Variants in AOC1 observed in about 807,000 individuals in gnomAD.
The protein encoded by AOC1 is amine oxidase copper containing 1.
A neutral mutation model predicts 57.1 loss-of-function variants in AOC1; 58 were observed. The observed-to-expected ratio is 1.02, with a 90% confidence interval of 0.82 to 1.26. The LOEUF (loss-of-function observed/expected upper bound fraction) is 1.26, where lower values mean the gene tolerates loss of function less well. Among genes scored for constraint, AOC1 ranks in the 50% most tolerant of loss-of-function variants. The probability of loss-of-function intolerance (pLI) is 0.00; values close to 1 mark genes in which losing one functional copy is unlikely to be tolerated. For synonymous variants in AOC1, 401 were observed against 423.4 expected, an observed-to-expected ratio of 0.95 and a Z score of 0.65; for missense variants, 917 against 1,005.3, an observed-to-expected ratio of 0.91 and a Z score of 1.19.
In AOC1 at chr7:150,856,614, C is replaced by G. The variant is rs368309367; in HGVS notation, c.144C>G (p.Leu48=). ...NQELKAVHSF[L]WSKKELRLQP... ...AGCTGAAGGCAGTGCACAGCTTCCTCTGGTCCAAGAAGGAGCTGAGGCTGC... is the reference window on the plus strand; with the variant it reads ...AGCTGAAGGCAGTGCACAGCTTCCTGTGGTCCAAGAAGGAGCTGAGGCTGC... Residue 48 remains leucine (L), a synonymous_variant, in exon 2 of 5, where the codon CTC becomes CTG. Coordinates refer to ENST00000360937, the MANE Select transcript of AOC1 (RefSeq NM_001091.4). This position sits in a 1 kb window ranked among gnomAD's most constrained non-coding sequence, Gnocchi z 5.2. 5.6e-6 allele frequency: 9 copies of G among 1,614,062 alleles called. No homozygotes were observed. Among genetic ancestry groups the G allele is most frequent in the Non-Finnish European group, 7.6e-6 (9 of 1,180,016 alleles).
chr7:150,853,545 A>G (rs1799679611), intron 1 of AOC1, among the ~76,000 whole-genome samples: 1 of 151,794 alleles, frequency 6.6e-6, no homozygotes, highest in Non-Finnish European at 1.5e-5. Flanking sequence ...GTCTATTTTT[A>G]AAAGTCTATT....
chr7:150,861,108 C>T lies in AOC1; in HGVS notation c.2155C>T (p.Arg719Trp), dbSNP rs751307442. The T allele has an allele frequency of 5.3e-5, 85 of 1,614,014 alleles. No individual in the cohort carries two copies. In the Middle Eastern group the frequency reaches 6.7e-3, roughly 128 times the overall value. Residue 719 changes from arginine to tryptophan, a missense_variant, in exon 5 of 5, where the codon CGG becomes TGG. Coordinates refer to ENST00000360937, the MANE Select transcript of AOC1 (RefSeq NM_001091.4). This position sits in a 1 kb window ranked among gnomAD's most constrained non-coding sequence, Gnocchi z 4.5. ...ASRDTVIVWP[R>W]DNGPNYVQRW... is the part of the protein sequence containing the mutation. ...CAGAGACACTGTGATCGTGTGGCCT[C>T]GGGACAACGGCCCCAACTACGTCCA...
rs370019044 is a variant in AOC1, at chr7:150,857,494, G to A, written c.1024G>A (p.Gly342Ser). 102 of 1,613,466 alleles carry A rather than the reference G, an allele frequency of 6.3e-5. No individual in the cohort carries two copies. The highest frequency in any genetic ancestry group is 6.0e-4 in the Admixed American group (36 of 59,996). ...GCTGCAGGTCCTGAACGTGCACTTC[G>A]GCGGAGAGCGCATTGCCTATGAGGT... Reference protein sequence around the residue: ...SGLQVLNVHFGGERIAYEVSV... With the variant: ...SGLQVLNVHFSGERIAYEVSV... The change falls in exon 2 of 5, where the codon GGC becomes AGC. Residue 342 changes from glycine to serine, a missense_variant. Gly to Ser is a moderately conservative substitution (Grantham distance 56, BLOSUM62 0). Coordinates refer to ENST00000360937, the MANE Select transcript of AOC1 (RefSeq NM_001091.4). This position sits in a 1 kb window ranked among gnomAD's most constrained non-coding sequence, Gnocchi z 6.6.
chr7:150,853,428 T>A (rs1799676534), intron 1 of AOC1, among the ~76,000 whole-genome samples: 2 of 152,118 alleles, frequency 1.3e-5, no homozygotes, highest in Non-Finnish European at 2.9e-5. Context: ...AAAAGACTCC[T>A]ATTTAAAAGA....
rs776034118 is a variant in AOC1 at position 150,857,046 on chromosome 7, G to T, written c.576G>T (p.Val192=). 1 of 1,614,106 alleles carries T rather than the reference G, an allele frequency of 6.2e-7. No individual in the cohort carries two copies. The highest frequency in any genetic ancestry group is 1.1e-5 in the South Asian group (1 of 91,082). ...LAFTDVAPRG[V]ASGQRRSWLI... is the part of the protein sequence containing the mutation. ...TCACCGATGTGGCCCCCCGGGGTGT[G>T]GCTTCTGGCCAGCGCCGCAGTTGGC... The change falls in exon 2 of 5, where the codon GTG becomes GTT. Residue 192 remains valine (V), a synonymous_variant. Coordinates refer to ENST00000360937, the MANE Select transcript of AOC1 (RefSeq NM_001091.4). The surrounding 1 kb of genome is among the most constrained non-coding windows in gnomAD (Gnocchi z 6.6).
rs749257319 is a variant in AOC1, at chr7:150,858,054, C to T, written c.1570+14C>T. On this transcript the variant is annotated intron_variant, in intron 2 of 4. Transcript: ENST00000360937. ...TGGATGTGGCAGGTAGGACTCAAAG[C>T]GAGACTCTCCCGTTCAAACATCTGC... is the stretch of plus-strand genomic sequence containing the variant. 2.7e-6 allele frequency: 4 copies of T among 1,502,096 alleles called. No individual in the cohort carries two copies. Among genetic ancestry groups the T allele is most frequent in the Non-Finnish European group, 2.7e-6 (3 of 1,131,700 alleles). The allele number at this position is 1,502,096 out of a possible 1,614,324, so 93.0% of individuals were successfully genotyped here.
In AOC1 at chr7:150,861,231, A is replaced by C. The variant is rs1325977553; in HGVS notation, c.*22A>C. 1.3e-6 allele frequency: 2 copies of C among 1,545,428 alleles called. No individual in the cohort carries two copies. Among genetic ancestry groups the C allele is most frequent in the Non-Finnish European group, 1.8e-6 (2 of 1,140,030 alleles). On this transcript the variant is annotated 3_prime_UTR_variant, in exon 5 of 5. Coordinates refer to ENST00000360937, the MANE Select transcript of AOC1 (RefSeq NM_001091.4). The surrounding 1 kb of genome is among the most constrained non-coding windows in gnomAD (Gnocchi z 4.5). ...GTGACCAGCCCCCAGTTCCTCCCCC[A>C]GTTCCTCCCAGGAAGCCCAGGAGCC... is the stretch of plus-strand genomic sequence containing the variant.
In AOC1 at chr7:150,858,010, G is replaced by A. The variant is rs773255055; in HGVS notation, c.1540G>A (p.Val514Met). Residue 514 changes from valine to methionine, a missense_variant, in exon 2 of 5, where the codon GTG (valine) becomes ATG (methionine). Val to Met is a conservative substitution (Grantham distance 21). Transcript: ENST00000360937. The stretch of plus-strand genomic sequence containing the variant: ...GATTGGCAACATACACACTCACTTG[G>A]TGCACTACCGCGTAGACCTGGATGT... ...HLIGNIHTHLVHYRVDLDVAG... is the reference protein window; with the variant it reads ...HLIGNIHTHLMHYRVDLDVAG... 1.3e-6 allele frequency: 2 copies of A among 1,554,326 alleles called. No homozygotes were observed. The highest frequency in any genetic ancestry group is 3.6e-5 in the Admixed American group (2 of 55,148).
chr7:150,860,301 A>AG, intron 3 of AOC1, 200 bp from the exon 4 acceptor site: 1 of 695,128 alleles, frequency 1.4e-6, no homozygotes, highest in Non-Finnish European at 2.3e-6. Context: ...GCATTTGGGG[A>AG]GGGGGGCGGG....
At chr7:150,860,210 G>T (rs1182032653) in intron 3 of AOC1, among the ~76,000 whole-genome samples, 3 of 150,228 alleles carry the variant, frequency 2.0e-5, no homozygotes, top group African/African-American at 7.3e-5. Flanking sequence ...AAGAAGGAAG[G>T]AAAGAGAGAG....
At chr7:150,860,801 C>A in intron 4 of AOC1, 142 bp from the exon 5 acceptor site, 2 of 1,359,412 alleles carry the variant, frequency 1.5e-6, no homozygotes, top group East Asian at 2.3e-5. Context: ...GAGGTCACAA[C>A]AGAGCTGCTC....
rs950891895 is a variant in AOC1, at chr7:150,856,530, G to C, written c.60G>C (p.Glu20Asp). ...TGATGCTGCAGACGGCCATGGCGGA[G>C]CCCTCCCCGGGGACTCTGCCCAGGA... ...AILMLQTAMA[E>D]PSPGTLPRKA... Residue 20 changes from glutamate to aspartate, a missense_variant, in exon 2 of 5, where the codon GAG becomes GAC. Glu to Asp is a conservative substitution (Grantham distance 45, BLOSUM62 2). Transcript: ENST00000360937. The surrounding 1 kb of genome is among the most constrained non-coding windows in gnomAD (Gnocchi z 5.2). 7 of 1,613,950 alleles carry C rather than the reference G, an allele frequency of 4.3e-6. No individual in the cohort carries two copies. In the Admixed American group the frequency reaches 8.3e-5, roughly 19 times the overall value.
intron 3 of AOC1, among the ~76,000 whole-genome samples, chr7:150,859,573 G>A (rs1384870753): frequency 2.0e-5 from 3 of 151,702 alleles, no homozygotes; most frequent in African/African-American, 7.3e-5. Flanking sequence ...CATGGTGGCA[G>A]GCACCTGTAG....
In AOC1 at chr7:150,857,376, G is replaced by C. The variant is rs748792883; in HGVS notation, c.906G>C (p.Leu302Phe). 32 of 1,608,512 alleles carry C rather than the reference G, an allele frequency of 2.0e-5. 1 individual carries two copies. Among genetic ancestry groups the C allele is most frequent in the African/African-American group, 4.0e-5 (3 of 74,856 alleles). The stretch of plus-strand genomic sequence containing the variant: ...CCATCCATGTGAGCGGCCCCCGCTT[G>C]GTCCAGCCCCACGGCCCTCGCTTCA... The part of the protein sequence containing the change: ...PSPIHVSGPR[L>F]VQPHGPRFRL... Residue 302 changes from leucine (L) to phenylalanine (F), a missense_variant, in exon 2 of 5, where the codon TTG becomes TTC. Transcript: ENST00000360937. The surrounding 1 kb of genome is among the most constrained non-coding windows in gnomAD (Gnocchi z 6.6).
At position 150,857,160 on chromosome 7, in the gene AOC1, C is replaced by T. The variant is rs1799804656; in HGVS notation, c.690C>T (p.His230=). 1.9e-6 allele frequency: 3 copies of T among 1,613,928 alleles called. No individual in the cohort carries two copies. In the East Asian group the frequency reaches 6.7e-5, roughly 36 times the overall value. Residue 230 remains histidine, a synonymous_variant, in exon 2 of 5, where the codon CAC becomes CAT. Coordinates refer to ENST00000360937, the MANE Select transcript of AOC1 (RefSeq NM_001091.4). The surrounding 1 kb of genome is among the most constrained non-coding windows in gnomAD (Gnocchi z 6.6). ...ATCATGGGAGCACAGATGCTGGGCA[C>T]TGGGCCGTGGAGCAGGTGTGGTACA... ...LVDHGSTDAG[H]WAVEQVWYNG... is the part of the protein sequence containing the mutation.
Position 150,857,409 on chromosome 7 carries a change from G to C in AOC1, c.939G>C (p.Glu313Asp). ...VQPHGPRFRL[E>D]GNAVLYGGWS... The stretch of plus-strand genomic sequence containing the variant: ...CCCACGGCCCTCGCTTCAGGCTGGA[G>C]GGCAACGCTGTGCTCTACGGCGGCT... The change falls in exon 2 of 5, where the codon GAG becomes GAC. Residue 313 changes from glutamate (E) to aspartate (D), a missense_variant. Physicochemically the swap from Glu to Asp is conservative, Grantham distance 45. Coordinates refer to ENST00000360937, the MANE Select transcript of AOC1 (RefSeq NM_001091.4). This position sits in a 1 kb window ranked among gnomAD's most constrained non-coding sequence, Gnocchi z 6.6. The C allele has an allele frequency of 6.2e-7, 1 of 1,611,532 alleles. No homozygotes were observed. Among genetic ancestry groups the C allele is most frequent in the Non-Finnish European group, 8.5e-7 (1 of 1,179,292 alleles).
rs1176192897 is a variant in AOC1, at chr7:150,857,194, T to C, written c.724T>C (p.Phe242Leu). ...GGAGCAGGTGTGGTACAACGGGAAGTTCTATGGGAGCCCAGAGGAACTGGC... is the reference window on the plus strand; with the variant it reads ...GGAGCAGGTGTGGTACAACGGGAAGCTCTATGGGAGCCCAGAGGAACTGGC... ...AVEQVWYNGKFYGSPEELARK... is the reference protein window; with the variant it reads ...AVEQVWYNGKLYGSPEELARK... The change falls in exon 2 of 5, where the codon TTC becomes CTC. Residue 242 changes from phenylalanine (F) to leucine (L), a missense_variant. Physicochemically the swap from Phe to Leu is conservative, Grantham distance 22. Coordinates refer to ENST00000360937, the MANE Select transcript of AOC1 (RefSeq NM_001091.4). The surrounding 1 kb of genome is among the most constrained non-coding windows in gnomAD (Gnocchi z 6.6). 1 of 1,613,090 alleles carries C rather than the reference T, an allele frequency of 6.2e-7. No individual in the cohort carries two copies. Among genetic ancestry groups the C allele is most frequent in the Admixed American group, 1.7e-5 (1 of 59,944 alleles).
rs778303284 is a variant in AOC1, at chr7:150,857,384, C to T, written c.914C>T (p.Pro305Leu). ...GTGAGCGGCCCCCGCTTGGTCCAGC[C>T]CCACGGCCCTCGCTTCAGGCTGGAG... is the stretch of plus-strand genomic sequence containing the variant. ...IHVSGPRLVQPHGPRFRLEGN... is the reference protein window; with the variant it reads ...IHVSGPRLVQLHGPRFRLEGN... The change falls in exon 2 of 5, where the codon CCC (proline) becomes CTC (leucine). Residue 305 changes from proline to leucine, a missense_variant. Physicochemically the swap from Pro to Leu is moderately conservative, Grantham distance 98. Coordinates refer to ENST00000360937, the MANE Select transcript of AOC1 (RefSeq NM_001091.4). The surrounding 1 kb of genome is among the most constrained non-coding windows in gnomAD (Gnocchi z 6.6). The T allele has an allele frequency of 5.0e-6, 8 of 1,610,116 alleles. No homozygotes were observed. Among genetic ancestry groups the T allele is most frequent in the East Asian group, 2.2e-5 (1 of 44,788 alleles).
At chr7:150,855,274 A>G (rs1799738302) in intron 1 of AOC1, among the ~76,000 whole-genome samples, 1 of 152,178 alleles carries the variant, frequency 6.6e-6, no homozygotes, top group Non-Finnish European at 1.5e-5. Context: ...GGAGGCCCAC[A>G]TCACCTAGGA....
Sources: gnomAD v4.1 joint callset for allele counts (sites outside exome capture counted in the v4.1 genomes callset) on GRCh38, gnomAD v4.1.1 for gene constraint, Gnocchi (gnomAD v3.1) non-coding constraint, MANE v1.5 for transcripts, NCBI Gene and HGNC (gene_info 2026-07-23, HGNC 2026-07-21) for gene names.